RFX3: variants seen among roughly 807,000 people sequenced by gnomAD.
RFX3 encodes the protein regulatory factor X3, also known as transcription factor RFX3.
A neutral mutation model predicts 98.6 loss-of-function variants in RFX3; 14 were observed. That is an observed-to-expected ratio of 0.14 (90% CI 0.09 to 0.22). The LOEUF (loss-of-function observed/expected upper bound fraction) is 0.22, where lower values mean the gene tolerates loss of function less well. RFX3 is among the 10% of genes least tolerant of loss of function. The pLI is 1.00. For missense variants in RFX3, 639 were observed against 926.9 expected (o/e 0.69, Z 4.03); for synonymous variants, 383 against 328.4 (o/e 1.17, Z -1.80).
chr9:3,442,501 A>G (rs1845691295), intron 1 of RFX3, among the ~76,000 whole-genome samples: 1 of 152,198 alleles, frequency 6.6e-6, no homozygotes, highest in South Asian at 2.1e-4. Flanking sequence ...GGAGACACAA[A>G]AACTAAACAA....
chr9:3,504,957 T>TAATATATCTTATATAA (rs1816751314), intron 1 of RFX3, among the ~76,000 whole-genome samples: 3 of 58,992 alleles, frequency 5.1e-5, no homozygotes, highest in African/African-American at 3.0e-4. Context: ...ATAATATATA[T>TAATATATCTTATATAA]TATATATAAT....
intron 1 of RFX3, among the ~76,000 whole-genome samples, chr9:3,491,099 T>C (rs1440161001): frequency 6.6e-6 from 1 of 152,142 alleles, no homozygotes; most frequent in Non-Finnish European, 1.5e-5. Flanking sequence ...TGACATTAAG[T>C]GACAGTTGCC....
intron 14 of RFX3, among the ~76,000 whole-genome samples, chr9:3,252,467 A>C (rs891892393): frequency 2.6e-5 from 4 of 152,210 alleles, no homozygotes; most frequent in Admixed American, 2.6e-4. Flanking sequence ...TGAGGAGGTG[A>C]TATCTGAGCA....
chr9:3,519,617 G>C (rs964356180), intron 1 of RFX3, among the ~76,000 whole-genome samples: 6 of 152,052 alleles, frequency 3.9e-5, no homozygotes, highest in African/African-American at 1.4e-4. Flanking sequence ...TTTCAAATGA[G>C]AAAACTGAGG....
intron 4 of RFX3, chr9:3,324,097 T>G (rs1478557028): frequency 7.3e-6 from 3 of 410,892 alleles, no homozygotes; most frequent in African/African-American, 2.0e-5. Flanking sequence ...TGAGTTGGCC[T>G]AGGGAAAAAG....
At chr9:3,320,427 G>T (rs1321689689) in intron 4 of RFX3, among the ~76,000 whole-genome samples, 7 of 151,996 alleles carry the variant, frequency 4.6e-5, no homozygotes, top group Admixed American at 6.6e-5. Flanking sequence ...GGTGGCGCAT[G>T]CCTGTACTCA....
At chr9:3,494,413 T>C (rs1364517567) in intron 1 of RFX3, among the ~76,000 whole-genome samples, 1 of 152,072 alleles carries the variant, frequency 6.6e-6, no homozygotes, top group African/African-American at 2.4e-5. Flanking sequence ...ACTCTTTCCC[T>C]CCCCACCAAA....
At chr9:3,315,750 T>C (rs572718222) in intron 4 of RFX3, among the ~76,000 whole-genome samples, 3 of 152,258 alleles carry the variant, frequency 2.0e-5, no homozygotes, top group Admixed American at 2.0e-4. Flanking sequence ...TAAACACCAC[T>C]ATGCAAATAA....
At chr9:3,277,521 A>G (rs1234532887) in intron 7 of RFX3, 60 bp from the exon 8 acceptor site, 14 of 1,441,178 alleles carry the variant, frequency 9.7e-6, no homozygotes, top group East Asian at 2.3e-5. Flanking sequence ...TTTTTGTACT[A>G]CCCGAAACTC....
At chr9:3,515,438 G>A (rs891686229) in intron 1 of RFX3, among the ~76,000 whole-genome samples, 2 of 152,122 alleles carry the variant, frequency 1.3e-5, no homozygotes, top group African/African-American at 2.4e-5. Context: ...AAGAAATACT[G>A]GATCACCTGA....
chr9:3,370,148 G>GT (rs890376560), intron 2 of RFX3, among the ~76,000 whole-genome samples: 2 of 148,936 alleles, frequency 1.3e-5, no homozygotes, highest in Non-Finnish European at 3.0e-5. Flanking sequence ...GCCCAGAGCA[G>GT]TTTTTTTAAG....
chr9:3,239,938 T>C (rs561691056), intron 15 of RFX3, among the ~76,000 whole-genome samples: 5 of 152,316 alleles, frequency 3.3e-5, no homozygotes, highest in East Asian at 3.9e-4. Flanking sequence ...TCTCCAACTC[T>C]ACCATTCAGA....
intron 15 of RFX3, among the ~76,000 whole-genome samples, chr9:3,242,209 G>C (rs1820026676): frequency 6.6e-6 from 1 of 152,140 alleles, no homozygotes; most frequent in South Asian, 2.1e-4. Context: ...TAGGGATACT[G>C]AGACATCTTT....
chr9:3,504,787 AAT>A (rs567870666), intron 1 of RFX3, among the ~76,000 whole-genome samples: 3 of 106,072 alleles, frequency 2.8e-5, no homozygotes, highest in South Asian at 2.5e-4. Context: ...TTGTATATAA[AAT>A]ATATATTATA....
At chr9:3,308,524 A>G (rs970341493) in intron 4 of RFX3, among the ~76,000 whole-genome samples, 1 of 152,198 alleles carries the variant, frequency 6.6e-6, no homozygotes, top group Non-Finnish European at 1.5e-5. Flanking sequence ...AAGGTTCAAG[A>G]GTCAAAGTTC....
At chr9:3,231,243 A>C (rs1818403590) in intron 15 of RFX3, among the ~76,000 whole-genome samples, 1 of 152,128 alleles carries the variant, frequency 6.6e-6, no homozygotes, top group African/African-American at 2.4e-5. Flanking sequence ...AATTTTAAAA[A>C]TCCTGTGAAG....
intron 1 of RFX3, among the ~76,000 whole-genome samples, chr9:3,430,720 G>C (rs1244930983): frequency 1.3e-5 from 2 of 151,718 alleles, no homozygotes; most frequent in Non-Finnish European, 2.9e-5. Flanking sequence ...GCTTTAAACT[G>C]TGCAGGTCCA....
chr9:3,242,432 G>T (rs1050712325), intron 15 of RFX3, among the ~76,000 whole-genome samples: 2 of 150,524 alleles, frequency 1.3e-5, no homozygotes, highest in African/African-American at 4.9e-5. Flanking sequence ...AAACTATCTC[G>T]ACTTGTGATA....
intron 1 of RFX3, among the ~76,000 whole-genome samples, chr9:3,505,219 T>A (rs528830081): frequency 1.6e-5 from 1 of 63,064 alleles, no homozygotes; most frequent in African/African-American, 1.1e-4. Context: ...TATGAATATA[T>A]ATTTATATAT....
Sources: gnomAD v4.1 joint callset for allele counts (sites outside exome capture counted in the v4.1 genomes callset) on GRCh38, gnomAD v4.1.1 for gene constraint, MANE v1.5 for transcripts, NCBI Gene and HGNC (gene_info 2026-07-23, HGNC 2026-07-21) for gene names.